CCSER1: variants seen among roughly 807,000 people sequenced by gnomAD.
The protein encoded by CCSER1 is serine-rich coiled-coil domain-containing protein 1.
CCSER1 carries 41 observed loss-of-function variants against 82.0 expected under a neutral mutation model. That is an observed-to-expected ratio of 0.50 (90% confidence interval 0.39 to 0.65). The LOEUF is 0.65. Ranked by LOEUF, CCSER1 falls within the 30% of genes least tolerant of loss-of-function variation. CCSER1 has a pLI of 0.00. For missense variants in CCSER1, 1,119 were observed against 1,064.2 expected, an observed-to-expected ratio of 1.05 and a Z score of -0.72; for synonymous variants, 414 against 383.9, an observed-to-expected ratio of 1.08 and a Z score of -0.92.
At chr4:90,379,388 A>G (rs1420353415) in intron 3 of CCSER1, among the ~76,000 whole-genome samples, 1 of 152,224 alleles carries the variant, frequency 6.6e-6, no homozygotes, top group African/African-American at 2.4e-5. Flanking sequence ...GGTTAATGCC[A>G]TCTATAGGAC....
At chr4:91,578,031 C>A (rs1429508328) in intron 10 of CCSER1, among the ~76,000 whole-genome samples, 1 of 151,964 alleles carries the variant, frequency 6.6e-6, no homozygotes, top group Non-Finnish European at 1.5e-5. Context: ...TTGAGGCTCC[C>A]CAATTTTGAT....
chr4:90,288,824 A>G (rs1310433118), intron 1 of CCSER1, among the ~76,000 whole-genome samples: 2 of 151,962 alleles, frequency 1.3e-5, no homozygotes, highest in Non-Finnish European at 2.9e-5. Flanking sequence ...CCACTTTACA[A>G]AAAAACAAGC....
chr4:90,256,558 C>G (rs754681862), intron 1 of CCSER1, among the ~76,000 whole-genome samples: 1 of 152,048 alleles, frequency 6.6e-6, no homozygotes, highest in African/African-American at 2.4e-5. Flanking sequence ...CTTACATGCC[C>G]TGTGAGTAGG....
intron 5 of CCSER1, among the ~76,000 whole-genome samples, chr4:90,578,049 T>C (rs927612704): frequency 6.6e-6 from 1 of 152,178 alleles, no homozygotes; most frequent in East Asian, 1.9e-4. Flanking sequence ...TGGGTTAGAC[T>C]CGTGCTGCTA....
At chr4:90,828,584 T>C (rs1760770056) in intron 8 of CCSER1, among the ~76,000 whole-genome samples, 1 of 152,172 alleles carries the variant, frequency 6.6e-6, no homozygotes, top group African/African-American at 2.4e-5. Context: ...AGGACTATTA[T>C]AGTTTCTGTA....
At chr4:91,414,326 G>T (rs996744679) in intron 10 of CCSER1, among the ~76,000 whole-genome samples, 1 of 152,028 alleles carries the variant, frequency 6.6e-6, no homozygotes, top group Non-Finnish European at 1.5e-5. Flanking sequence ...GTTCTTCCAT[G>T]CAATTGAAGT....
intron 1 of CCSER1, among the ~76,000 whole-genome samples, chr4:90,194,062 C>G (rs181275884): frequency 6.6e-5 from 10 of 151,944 alleles, no homozygotes; most frequent in Admixed American, 6.6e-4. Context: ...CTTTGTAGGT[C>G]CAGTTGATAG....
chr4:91,416,226 T>C (rs955741160), intron 10 of CCSER1, among the ~76,000 whole-genome samples: 1 of 152,078 alleles, frequency 6.6e-6, no homozygotes, highest in South Asian at 2.1e-4. Flanking sequence ...GGAAAAACAT[T>C]CCATGCTCAT....
In CCSER1 at chr4:90,224,864, ACT is replaced by A. The variant is rs543984985; in HGVS notation, c.-41-83377_-41-83376del. The stretch of plus-strand genomic sequence containing the variant: ...ATTCTTATTAGTATATTTCTTAATG[ACT>A]CTGAATTTTCCAAGAACATCAGAGA... On this transcript the variant is annotated intron_variant, in intron 1 of 10. Coordinates refer to ENST00000509176, the MANE Select transcript of CCSER1 (RefSeq NM_001145065.2). Among the ~76,000 whole-genome samples the A allele has an allele frequency of 5.3e-5, 8 of 151,992 alleles. No individual in the cohort carries two copies. In the South Asian group the frequency reaches 1.5e-3, roughly 28 times the overall value.
At chr4:91,187,272 C>A (rs143524375) in intron 10 of CCSER1, among the ~76,000 whole-genome samples, 2 of 152,196 alleles carry the variant, frequency 1.3e-5, no homozygotes, top group South Asian at 2.1e-4. Context: ...TGTTCCTATT[C>A]GGCCATCTTG....
intron 10 of CCSER1, among the ~76,000 whole-genome samples, chr4:91,136,918 T>G (rs1424534785): frequency 6.6e-6 from 1 of 152,160 alleles, no homozygotes. Context: ...ATATAAAAAT[T>G]TAAACTTGGT....
intron 10 of CCSER1, among the ~76,000 whole-genome samples, chr4:91,349,773 G>A (rs1332093123): frequency 7.3e-6 from 1 of 137,012 alleles, no homozygotes; most frequent in East Asian, 2.0e-4. Context: ...TACATTTCAT[G>A]AAAGTTTGGG....
chr4:91,517,246 G>A (rs1205523268), intron 10 of CCSER1, among the ~76,000 whole-genome samples: 1 of 152,154 alleles, frequency 6.6e-6, no homozygotes, highest in African/African-American at 2.4e-5. Flanking sequence ...TATAGGAGTA[G>A]TGAGAGAGGG....
chr4:90,482,220 C>A (rs1381749434), intron 5 of CCSER1, among the ~76,000 whole-genome samples: 1 of 151,846 alleles, frequency 6.6e-6, no homozygotes, highest in African/African-American at 2.4e-5. Flanking sequence ...TGGTGATATC[C>A]CCTTTTTCAT....
At chr4:90,485,324 A>G (rs941816642) in intron 5 of CCSER1, among the ~76,000 whole-genome samples, 2 of 152,178 alleles carry the variant, frequency 1.3e-5, no homozygotes, top group Admixed American at 6.5e-5. Flanking sequence ...TGCACTTCCC[A>G]GGTGAGTCGA....
At chr4:90,266,308 A>T (rs1203846927) in intron 1 of CCSER1, among the ~76,000 whole-genome samples, 1 of 152,090 alleles carries the variant, frequency 6.6e-6, no homozygotes, top group African/African-American at 2.4e-5. Flanking sequence ...AATGAATGTC[A>T]TGTGGCTAAG....
At chr4:91,179,882 C>A (rs189948435) in intron 10 of CCSER1, among the ~76,000 whole-genome samples, 1 of 152,172 alleles carries the variant, frequency 6.6e-6, no homozygotes, top group Non-Finnish European at 1.5e-5. Context: ...GGAGAAGAGG[C>A]GCTCTGATTT....
chr4:90,731,223 T>C (rs1312007117), intron 7 of CCSER1, among the ~76,000 whole-genome samples: 1 of 152,188 alleles, frequency 6.6e-6, no homozygotes, highest in African/African-American at 2.4e-5. Context: ...CTGATACTAA[T>C]TTTTTAATGT....
chr4:90,531,599 A>T (rs1774542401), intron 5 of CCSER1, among the ~76,000 whole-genome samples: 5 of 152,178 alleles, frequency 3.3e-5, no homozygotes, highest in Admixed American at 3.3e-4. Context: ...AAGGGTAATT[A>T]CATGCTTGAA....
Sources: allele counts gnomAD v4.1 joint callset (sites outside exome capture counted in the v4.1 genomes callset), GRCh38; gene constraint gnomAD v4.1.1; transcripts MANE v1.5; gene names NCBI Gene and HGNC (gene_info 2026-07-23, HGNC 2026-07-21).